The following GRM1 variants were observed in gnomAD, a reference collection of about 807,000 sequenced individuals.
GRM1 encodes metabotropic glutamate receptor 1.
GRM1 carries 33 observed loss-of-function variants against 90.9 expected under a neutral mutation model. The ratio of observed to expected loss-of-function variants is 0.36; its 90% CI spans 0.28 to 0.49. The LOEUF is 0.49. Ranked by LOEUF, GRM1 falls within the 20% of genes least tolerant of loss-of-function variation. GRM1 has a pLI of 0.99. For missense variants in GRM1, 1,190 were observed against 1,534.3 expected (o/e 0.78, Z 3.75); for synonymous variants, 700 against 613.2 (o/e 1.14, Z -2.09).
chr6:146,118,467 T>G (rs1775849590), intron 1 of GRM1, among the ~76,000 whole-genome samples: 1 of 152,182 alleles, frequency 6.6e-6, no homozygotes, highest in South Asian at 2.1e-4. Context: ...CTTTAAGTTC[T>G]AGAGTACATG....
chr6:146,328,812 AT>A (rs1784487388), intron 3 of GRM1, among the ~76,000 whole-genome samples: 2 of 152,118 alleles, frequency 1.3e-5, no homozygotes, highest in Admixed American at 6.6e-5. Flanking sequence ...GGAAATTTTT[AT>A]TGATTAGGTG....
At chr6:146,366,514 G>A (rs1775694515) in intron 5 of GRM1, among the ~76,000 whole-genome samples, 1 of 151,882 alleles carries the variant, frequency 6.6e-6, no homozygotes, top group Admixed American at 6.6e-5. Context: ...CCCCTTCCCA[G>A]CCTCAGGTAA....
intron 3 of GRM1, among the ~76,000 whole-genome samples, chr6:146,341,677 C>T (rs1353703936): frequency 6.6e-6 from 1 of 152,186 alleles, no homozygotes; most frequent in African/African-American, 2.4e-5. Flanking sequence ...CCACAGTCAA[C>T]AGAAACATTG....
At chr6:146,229,455 G>T (rs1191018124) in intron 2 of GRM1, among the ~76,000 whole-genome samples, 1 of 150,982 alleles carries the variant, frequency 6.6e-6, no homozygotes, top group Non-Finnish European at 1.5e-5. Flanking sequence ...CATTAAGAGA[G>T]AGCAGAATAG....
At chr6:146,068,918 AT>A in intron 1 of GRM1, among the ~76,000 whole-genome samples, 1 of 152,354 alleles carries the variant, frequency 6.6e-6, no homozygotes, top group East Asian at 1.9e-4. Flanking sequence ...TACTTTGAAA[AT>A]GTAAGCCACA....
intron 2 of GRM1, among the ~76,000 whole-genome samples, chr6:146,192,732 G>A (rs1778973485): frequency 6.6e-6 from 1 of 152,158 alleles, no homozygotes; most frequent in African/African-American, 2.4e-5. Context: ...ATTTTTAAAT[G>A]TAATACAATA....
intron 1 of GRM1, among the ~76,000 whole-genome samples, chr6:146,054,920 G>C (rs1057162422): frequency 6.6e-6 from 1 of 152,014 alleles, no homozygotes; most frequent in Non-Finnish European, 1.5e-5. Flanking sequence ...GGAAGATGCA[G>C]GGGTGGGTGT....
chr6:146,418,216 T>G (rs2114649361), intron 7 of GRM1, among the ~76,000 whole-genome samples: 2 of 152,158 alleles, frequency 1.3e-5, no homozygotes, highest in Admixed American at 1.3e-4. Context: ...ATATACAGTT[T>G]TAGAATGTTT....
intron 3 of GRM1, among the ~76,000 whole-genome samples, chr6:146,313,545 T>G (rs1783846961): frequency 6.6e-6 from 1 of 152,242 alleles, no homozygotes; most frequent in Admixed American, 6.5e-5. Flanking sequence ...GTTTTGTATT[T>G]CACGCCTTGT....
chr6:146,267,673 CTGGGCTG>C (rs1457654800), intron 2 of GRM1, among the ~76,000 whole-genome samples: 20 of 103,448 alleles, frequency 1.9e-4, no homozygotes, highest in Middle Eastern at 4.3e-3. Flanking sequence ...CTGGGCTGGG[CTGGGCTG>C]GGCTCGGCTC....
At chr6:146,224,076 A>G (rs1343161201) in intron 2 of GRM1, among the ~76,000 whole-genome samples, 1 of 152,058 alleles carries the variant, frequency 6.6e-6, no homozygotes, top group Non-Finnish European at 1.5e-5. Flanking sequence ...TAGAAACCTC[A>G]TTGGCCTAGA....
At chr6:146,087,174 C>T (rs1439302166) in intron 1 of GRM1, among the ~76,000 whole-genome samples, 1 of 152,110 alleles carries the variant, frequency 6.6e-6, no homozygotes. Context: ...TCAGTTTGAG[C>T]TGCCTTGTAT....
At chr6:146,185,265 T>C (rs1044485679) in intron 2 of GRM1, among the ~76,000 whole-genome samples, 2 of 152,294 alleles carry the variant, frequency 1.3e-5, no homozygotes, top group South Asian at 2.1e-4. Context: ...CAAAGTAGAA[T>C]AGGATAATTT....
intron 6 of GRM1, among the ~76,000 whole-genome samples, chr6:146,389,967 G>A (rs777915476): frequency 2.6e-5 from 4 of 151,966 alleles, no homozygotes; most frequent in Admixed American, 1.3e-4. Flanking sequence ...CCATGGTAGC[G>A]GTAGTTATGA....
At chr6:146,150,922 A>T (rs1777300395) in intron 1 of GRM1, among the ~76,000 whole-genome samples, 1 of 105,756 alleles carries the variant, frequency 9.5e-6, no homozygotes, top group African/African-American at 4.1e-5. Context: ...GTATAAACAC[A>T]CACACGCGTG....
At chr6:146,261,850 G>GA (rs1200022297) in intron 2 of GRM1, among the ~76,000 whole-genome samples, 3 of 151,910 alleles carry the variant, frequency 2.0e-5, no homozygotes, top group East Asian at 1.9e-4. Context: ...CTATAGATAT[G>GA]AAAAAAATAG....
intron 5 of GRM1, among the ~76,000 whole-genome samples, chr6:146,377,166 C>T (rs1270228057): frequency 1.3e-5 from 2 of 152,002 alleles, no homozygotes; most frequent in Admixed American, 6.6e-5. Context: ...CAGACGAATA[C>T]AGTAAATTGG....
At chr6:146,257,882 A>G (rs887224087) in intron 2 of GRM1, among the ~76,000 whole-genome samples, 1 of 152,112 alleles carries the variant, frequency 6.6e-6, no homozygotes, top group Non-Finnish European at 1.5e-5. Flanking sequence ...ATGCAGAAAT[A>G]ATGTTTAATC....
intron 1 of GRM1, among the ~76,000 whole-genome samples, chr6:146,123,775 T>C (rs1002157162): frequency 2.6e-5 from 4 of 152,190 alleles, no homozygotes; most frequent in Non-Finnish European, 5.9e-5. Context: ...CCCATCTGCC[T>C]CAAACATTCT....
Sources: gnomAD v4.1 joint callset for allele counts (sites outside exome capture counted in the v4.1 genomes callset) on GRCh38, gnomAD v4.1.1 for gene constraint, MANE v1.5 for transcripts, NCBI Gene and HGNC (gene_info 2026-07-23, HGNC 2026-07-21) for gene names.